BANK1: variants seen among roughly 807,000 people sequenced by gnomAD.
The protein encoded by BANK1 is B-cell scaffold protein with ankyrin repeats.
Under a neutral mutation model 94.5 loss-of-function variants are expected in BANK1, and 95 were observed. The ratio of observed to expected loss-of-function variants is 1.00; its 90% CI spans 0.85 to 1.19. BANK1 has a LOEUF of 1.19. BANK1 is among the 50% of genes most tolerant of loss of function. The pLI is 0.00. For synonymous variants in BANK1, 334 were observed against 308.4 expected (o/e 1.08, Z -0.87); for missense variants, 987 against 932.2 (o/e 1.06, Z -0.77).
chr4:101,790,935 G>A lies in BANK1; in HGVS notation c.55G>A (p.Gly19Ser), dbSNP rs908389246. The A allele has an allele frequency of 4.6e-6, 7 of 1,526,966 alleles. No individual in the cohort carries two copies. Among genetic ancestry groups the A allele is most frequent in the Middle Eastern group, 1.9e-4 (1 of 5,354 alleles). 94.6% of individuals were successfully genotyped at this position (1,526,966 alleles called of 1,614,324 possible). The change falls in exon 1 of 17, where the codon GGC (glycine) becomes AGC (serine). Residue 19 changes from glycine to serine, a missense_variant. Physicochemically the swap from Gly to Ser is moderately conservative, Grantham distance 56. Coordinates refer to ENST00000322953, the MANE Select transcript of BANK1 (RefSeq NM_017935.5). ...GLGSPDPAPC[G>S]PAPPGNTKDI... is the part of the protein sequence containing the mutation. ...TGGGAGCCCGGACCCCGCCCCCTGC[G>A]GCCCAGCGCCCCCAGGTGGGTAGTC...
At chr4:101,897,469 T>C (rs760070007) in intron 6 of BANK1, among the ~76,000 whole-genome samples, 1 of 151,970 alleles carries the variant, frequency 6.6e-6, no homozygotes, top group Non-Finnish European at 1.5e-5. Flanking sequence ...TGGCCCCTTA[T>C]TTTTATAGAT....
intron 10 of BANK1, among the ~76,000 whole-genome samples, chr4:102,038,010 G>A (rs1727573243): frequency 6.6e-6 from 1 of 152,104 alleles, no homozygotes; most frequent in Admixed American, 6.6e-5. Flanking sequence ...AGAACAAAGG[G>A]GCCAGCCCTA....
At chr4:101,887,101 C>G (rs1445632026) in intron 5 of BANK1, among the ~76,000 whole-genome samples, 1 of 152,160 alleles carries the variant, frequency 6.6e-6, no homozygotes. Flanking sequence ...CATGCTCTCT[C>G]CCTCACTGGC....
chr4:102,012,435 A>T (rs118157487), intron 7 of BANK1, among the ~76,000 whole-genome samples: 2,113 of 152,236 alleles, frequency 0.014, 148 homozygotes, highest in Admixed American at 0.12. Context: ...GAAGGGAGGG[A>T]TTATTCCAGC....
intron 2 of BANK1, among the ~76,000 whole-genome samples, chr4:101,851,217 A>G (rs1727462395): frequency 2.0e-5 from 3 of 152,192 alleles, no homozygotes; most frequent in Admixed American, 2.0e-4. Context: ...AAGCAAAACA[A>G]CTTTATTGCT....
chr4:101,939,319 T>G (rs1723668518), intron 7 of BANK1, among the ~76,000 whole-genome samples: 1 of 151,802 alleles, frequency 6.6e-6, no homozygotes, highest in Non-Finnish European at 1.5e-5. Flanking sequence ...TTAAAATATA[T>G]GCAATTTGCA....
rs371742097 is a variant in BANK1 at position 102,025,242 on chromosome 4, T to C, written c.1327T>C (p.Tyr443His). Residue 443 changes from tyrosine to histidine, a missense_variant, in exon 9 of 17, where the codon TAC (tyrosine) becomes CAC (histidine). Coordinates refer to ENST00000322953, the MANE Select transcript of BANK1 (RefSeq NM_017935.5). The stretch of plus-strand genomic sequence containing the variant: ...ATTTCATCATGAAAGCAGGAAGACA[T>C]ACGGGCAGAGTGCAGATGGAGCTGA... Reference protein sequence around the residue: ...PAFHHESRKTYGQSADGAEAN... With the variant: ...PAFHHESRKTHGQSADGAEAN... 55 of 1,613,940 alleles carry C rather than the reference T, an allele frequency of 3.4e-5. No homozygotes were observed. Among genetic ancestry groups the C allele is most frequent in the Non-Finnish European group, 4.3e-5 (51 of 1,180,012 alleles).
intron 13 of BANK1, among the ~76,000 whole-genome samples, chr4:102,069,904 A>G (rs1728704329): frequency 1.3e-5 from 2 of 152,226 alleles, no homozygotes; most frequent in South Asian, 4.1e-4. Flanking sequence ...ACACAAAGGA[A>G]TACTACATGC....
chr4:101,827,843 CT>C (rs1006676997), intron 1 of BANK1, among the ~76,000 whole-genome samples: 6 of 151,728 alleles, frequency 4.0e-5, no homozygotes, highest in African/African-American at 1.2e-4. Context: ...TTCAAAGTTT[CT>C]TTTTTTATTC....
chr4:102,057,116 C>T (rs1728251457), intron 11 of BANK1, among the ~76,000 whole-genome samples: 2 of 152,102 alleles, frequency 1.3e-5, no homozygotes, highest in South Asian at 4.1e-4. Context: ...ACAAATAAAT[C>T]GATAGACCAA....
chr4:102,014,370 C>A (rs1341722152), intron 7 of BANK1, among the ~76,000 whole-genome samples: 1 of 152,038 alleles, frequency 6.6e-6, no homozygotes, highest in Non-Finnish European at 1.5e-5. Flanking sequence ...ACCAAGAAAA[C>A]CCACATTGTT....
intron 7 of BANK1, among the ~76,000 whole-genome samples, chr4:101,963,053 A>G (rs1269189878): frequency 6.6e-6 from 1 of 152,112 alleles, no homozygotes; most frequent in Non-Finnish European, 1.5e-5. Flanking sequence ...TTGTGTCCCA[A>G]CATATATGAT....
chr4:101,804,093 G>T (rs1253125974), intron 1 of BANK1, among the ~76,000 whole-genome samples: 2 of 149,486 alleles, frequency 1.3e-5, no homozygotes, highest in Non-Finnish European at 3.0e-5. Flanking sequence ...ATACTAGTCT[G>T]TTTTATTATT....
At position 101,870,485 on chromosome 4, in the gene BANK1, C is replaced by A. The variant is rs753141085; in HGVS notation, c.764-20C>A. 6.2e-7 allele frequency: 1 copy of A among 1,605,512 alleles called. No individual in the cohort carries two copies. Among genetic ancestry groups the A allele is most frequent in the South Asian group, 1.1e-5 (1 of 89,826 alleles). ...ATGCATTATATACTCTGCCCCTAAC[C>A]CTTGTTTGTTTTTCATAAGAGTTTC... On this transcript the variant is annotated intron_variant, in intron 4 of 16. Transcript: ENST00000322953.
intron 7 of BANK1, among the ~76,000 whole-genome samples, chr4:101,924,230 A>G (rs772365984): frequency 9.2e-5 from 14 of 151,814 alleles, no homozygotes; most frequent in Non-Finnish European, 1.6e-4. Context: ...TCTCATGTCT[A>G]CTAAGCCCAG....
At chr4:101,907,796 C>G (rs1465484352) in intron 6 of BANK1, among the ~76,000 whole-genome samples, 1 of 152,112 alleles carries the variant, frequency 6.6e-6, no homozygotes, top group Admixed American at 6.6e-5. Context: ...GAGTGAACTC[C>G]CATTCACAGT....
At chr4:101,957,428 C>A (rs1724384970) in intron 7 of BANK1, among the ~76,000 whole-genome samples, 1 of 152,168 alleles carries the variant, frequency 6.6e-6, no homozygotes, top group Admixed American at 6.5e-5. Context: ...CAGACACTAT[C>A]CTCTCTCAGA....
intron 6 of BANK1, among the ~76,000 whole-genome samples, chr4:101,905,275 G>A (rs1442937130): frequency 6.6e-6 from 1 of 152,190 alleles, no homozygotes; most frequent in Non-Finnish European, 1.5e-5. Context: ...GGGACCTTTT[G>A]CGGGGGTTCC....
chr4:101,954,627 T>C (rs1301347307), intron 7 of BANK1, among the ~76,000 whole-genome samples: 1 of 152,034 alleles, frequency 6.6e-6, no homozygotes, highest in African/African-American at 2.4e-5. Context: ...ACCAAGATAA[T>C]AGTAGGGAAA....
Sources: allele counts gnomAD v4.1 joint callset (sites outside exome capture counted in the v4.1 genomes callset), GRCh38; gene constraint gnomAD v4.1.1; transcripts MANE v1.5; gene names NCBI Gene and HGNC (gene_info 2026-07-23, HGNC 2026-07-21).